AKR1C3: variants seen among roughly 807,000 people sequenced by gnomAD.
AKR1C3 encodes the protein 3-alpha hydroxysteroid dehydrogenase, type II.
In AKR1C3, 48 loss-of-function variants were observed where a neutral mutation model predicts 43.6. The observed-to-expected ratio is 1.10, with a 90% CI of 0.87 to 1.40. The LOEUF (loss-of-function observed/expected upper bound fraction) is 1.40. AKR1C3 is among the 40% of genes most tolerant of loss of function. The pLI is 0.00. For synonymous variants in AKR1C3, 162 were observed against 139.6 expected (o/e 1.16, Z -1.13); for missense variants, 482 against 391.2 (o/e 1.23, Z -1.96).
intron 1 of AKR1C3, among the ~76,000 whole-genome samples, chr10:5,084,953 C>T (rs1327714394): frequency 6.6e-6 from 1 of 152,120 alleles, no homozygotes; most frequent in Non-Finnish European, 1.5e-5. Flanking sequence ...GCTGAAGTTG[C>T]TTATCAGCTT....
Position 5,097,492 on chromosome 10 carries a change from A to G in AKR1C3, c.311A>G (p.Lys104Arg). 2 of 1,613,932 alleles carry G rather than the reference A, an allele frequency of 1.2e-6. No homozygotes were observed. The highest frequency in any genetic ancestry group is 1.3e-5 in the African/African-American group (1 of 75,022). The change falls in exon 3 of 9, where the codon AAG becomes AGG. Residue 104 changes from lysine to arginine, a missense_variant. Transcript: ENST00000380554. ...LVRPALENSL[K>R]KAQLDYVDLY... ...CGACCAGCCTTGGAAAACTCACTGA[A>G]GAAAGCTCAATTGGACTATGTTGAC... is the stretch of plus-strand genomic sequence containing the variant.
intron 1 of AKR1C3, among the ~76,000 whole-genome samples, chr10:5,073,951 G>C (rs1211304399): frequency 1.3e-5 from 2 of 151,776 alleles, no homozygotes; most frequent in Admixed American, 1.3e-4. Context: ...AGTCAAGCTG[G>C]GAACTGCTCA....
At chr10:5,101,257 T>C (rs1412144499) in intron 5 of AKR1C3, among the ~76,000 whole-genome samples, 3 of 152,236 alleles carry the variant, frequency 2.0e-5, no homozygotes, top group Non-Finnish European at 2.9e-5. Flanking sequence ...GAAGTCATAT[T>C]CCATGACAAA....
chr10:5,107,028 T>TA, intron 8 of AKR1C3, among the ~76,000 whole-genome samples: 1 of 152,224 alleles, frequency 6.6e-6, no homozygotes, highest in East Asian at 1.9e-4. Flanking sequence ...TATTTCATGT[T>TA]ATTTCTATAT....
intron 1 of AKR1C3, among the ~76,000 whole-genome samples, chr10:5,067,301 T>C (rs1476140995): frequency 6.6e-6 from 1 of 152,228 alleles, no homozygotes; most frequent in African/African-American, 2.4e-5. Context: ...TGTTAATCTG[T>C]TAACTTGGGA....
At chr10:5,085,016 T>G (rs1838930822) in intron 1 of AKR1C3, among the ~76,000 whole-genome samples, 1 of 152,216 alleles carries the variant, frequency 6.6e-6, no homozygotes, top group African/African-American at 2.4e-5. Context: ...AATCATGTCA[T>G]CTGCAAACAG....
chr10:5,094,589 C>G, intron 1 of AKR1C3, 61 bp downstream of exon 1: 1 of 1,566,804 alleles, frequency 6.4e-7, no homozygotes, highest in Non-Finnish European at 8.8e-7. Flanking sequence ...GAAGTGAAAC[C>G]CGTATTGGGT....
chr10:5,087,134 C>T (rs1428682927), intron 1 of AKR1C3, among the ~76,000 whole-genome samples: 19 of 152,050 alleles, frequency 1.2e-4, no homozygotes, highest in Admixed American at 1.1e-3. Flanking sequence ...TTATTTTGCT[C>T]GATAGTTGAT....
At chr10:5,083,564 A>G (rs1467754147) in intron 1 of AKR1C3, among the ~76,000 whole-genome samples, 5 of 152,360 alleles carry the variant, frequency 3.3e-5, no homozygotes, top group South Asian at 2.1e-4. Context: ...TTATAGCAGC[A>G]TGATTTATAA....
chr10:5,104,717 A>G (rs1253104547), intron 7 of AKR1C3, among the ~76,000 whole-genome samples: 7 of 152,124 alleles, frequency 4.6e-5, no homozygotes, highest in East Asian at 1.9e-4. Context: ...TGAATTTCCA[A>G]CTATTTAAAT....
intron 1 of AKR1C3, among the ~76,000 whole-genome samples, chr10:5,080,186 C>CTGG (rs58556414): frequency 0.87 from 132,577 of 151,978 alleles, 58,076 homozygotes; most frequent in African/African-American, 0.96. Flanking sequence ...GTAAGAACAT[C>CTGG]TTAAGATGTG....
chr10:5,101,959 A>AT (rs1365532535), intron 5 of AKR1C3, 142 bp from the exon 6 acceptor site: 15 of 569,294 alleles, frequency 2.6e-5, no homozygotes, highest in African/African-American at 3.9e-5. Context: ...TTTCTATGAA[A>AT]AAGGTTATTA....
At chr10:5,072,271 G>A (rs1838626932) in intron 1 of AKR1C3, among the ~76,000 whole-genome samples, 1 of 152,174 alleles carries the variant, frequency 6.6e-6, no homozygotes, top group African/African-American at 2.4e-5. Context: ...CCACCTCAGG[G>A]AGGAGAGTAT....
At chr10:5,102,309 C>A in intron 6 of AKR1C3, 99 bp downstream of exon 6, 1 of 1,582,190 alleles carries the variant, frequency 6.3e-7, no homozygotes, top group African/African-American at 1.4e-5. Context: ...TCAAGTGGCT[C>A]ATGGAGAGGA....
chr10:5,103,734 C>G (rs1255393842), intron 7 of AKR1C3, among the ~76,000 whole-genome samples: 1 of 152,186 alleles, frequency 6.6e-6, no homozygotes, highest in Non-Finnish European at 1.5e-5. Context: ...AGGGCTGCCA[C>G]GCCATTGCTT....
chr10:5,076,684 T>A (rs782753190), intron 1 of AKR1C3, among the ~76,000 whole-genome samples: 12 of 152,178 alleles, frequency 7.9e-5, no homozygotes, highest in Non-Finnish European at 1.2e-4. Flanking sequence ...CTTCTGTTGT[T>A]TTTGGAAGCA....
At chr10:5,086,395 T>A (rs1272675079) in intron 1 of AKR1C3, among the ~76,000 whole-genome samples, 2 of 151,458 alleles carry the variant, frequency 1.3e-5, no homozygotes, top group African/African-American at 4.9e-5. Flanking sequence ...TTTGAGTGAG[T>A]TTCTTAATCC....
intron 1 of AKR1C3, among the ~76,000 whole-genome samples, chr10:5,072,932 C>T (rs559440983): frequency 6.6e-6 from 1 of 152,080 alleles, no homozygotes; most frequent in East Asian, 1.9e-4. Context: ...ATGCACATTG[C>T]AGCCTGGTTT....
chr10:5,083,777 G>A (rs1475116492), intron 1 of AKR1C3, among the ~76,000 whole-genome samples: 3 of 152,160 alleles, frequency 2.0e-5, no homozygotes, highest in Non-Finnish European at 4.4e-5. Context: ...ATTCAAACTG[G>A]TGTGAGATGG....
Sources: allele counts gnomAD v4.1 joint callset (sites outside exome capture counted in the v4.1 genomes callset), GRCh38; gene constraint gnomAD v4.1.1; transcripts MANE v1.5; gene names NCBI Gene and HGNC (gene_info 2026-07-23, HGNC 2026-07-21).